KLRG1: variants seen among roughly 807,000 people sequenced by gnomAD.
The protein encoded by KLRG1 is killer cell lectin like receptor G1, also known as killer cell lectin-like receptor subfamily G member 1.
A neutral mutation model predicts 21.8 loss-of-function variants in KLRG1; 16 were observed. That is an observed-to-expected ratio of 0.73 (90% CI 0.50 to 1.11). KLRG1 has a LOEUF of 1.11. Among genes scored for constraint, KLRG1 ranks in the 50% most tolerant of loss-of-function variants. KLRG1 has a pLI of 0.00. For synonymous variants in KLRG1, 69 were observed against 75.9 expected, an observed-to-expected ratio of 0.91 and a Z score of 0.47; for missense variants, 173 against 218.3, an observed-to-expected ratio of 0.79 and a Z score of 1.31.
chr12:8,981,303 C>G (rs1260145332), intron 1 of KLRG1, among the ~76,000 whole-genome samples: 1 of 152,014 alleles, frequency 6.6e-6, no homozygotes, highest in African/African-American at 2.4e-5. Flanking sequence ...CTTCTACTTA[C>G]ATTGGTTTTA....
chr12:8,999,905 C>T (rs1947254785), intron 3 of KLRG1, among the ~76,000 whole-genome samples: 1 of 152,004 alleles, frequency 6.6e-6, no homozygotes, highest in South Asian at 2.1e-4. Flanking sequence ...TGTGGTGGCA[C>T]GTTTCTGTAA....
At chr12:9,013,120 TAA>T (rs1460099109), downstream of KLRG1, among the ~76,000 whole-genome samples, 7 of 152,212 alleles carry the variant, frequency 4.6e-5, no homozygotes. Flanking sequence ...GGTACTTCTA[TAA>T]GTCTGCAAGA....
At chr12:9,039,767 A>C in the KLRG1 span, among the ~76,000 whole-genome samples, 1 of 152,188 alleles carries the variant, frequency 6.6e-6, no homozygotes, top group Non-Finnish European at 1.5e-5. Flanking sequence ...TTTTCTCACT[A>C]CCTTGATTCT....
intron 1 of KLRG1, among the ~76,000 whole-genome samples, chr12:8,951,533 G>A (rs1946205182): frequency 6.6e-6 from 1 of 152,136 alleles, no homozygotes; most frequent in South Asian, 2.1e-4. Flanking sequence ...CTTTTTAATA[G>A]CATAATATTT....
At chr12:9,046,294 G>C in the KLRG1 span, among the ~76,000 whole-genome samples, 2 of 152,156 alleles carry the variant, frequency 1.3e-5, no homozygotes, top group Admixed American at 1.3e-4. Flanking sequence ...ACACATAATG[G>C]GAATAGCAGA....
chr12:9,151,860 A>G, the KLRG1 span, among the ~76,000 whole-genome samples: 3 of 152,216 alleles, frequency 2.0e-5, no homozygotes, highest in Non-Finnish European at 2.9e-5. Context: ...GGCATCTTTG[A>G]TAATTTTAGT....
the KLRG1 span, chr12:9,069,006 A>C: frequency 1.9e-6 from 1 of 517,234 alleles, no homozygotes; most frequent in Admixed American, 3.5e-5. Flanking sequence ...GGGATGATAA[A>C]TTCTCCAGAT....
chr12:9,090,289 A>G, the KLRG1 span: 109 of 1,608,276 alleles, frequency 6.8e-5, 3 homozygotes, highest in South Asian at 9.5e-4. Context: ...GTAGCACTCA[A>G]TATAAGGTTC....
intron 1 of KLRG1, among the ~76,000 whole-genome samples, chr12:8,971,423 A>G (rs1946565108): frequency 6.6e-6 from 1 of 152,144 alleles, no homozygotes; most frequent in Admixed American, 6.6e-5. Context: ...AATCTTTAGC[A>G]ATATAGCCTC....
chr12:9,086,334 C>T, the KLRG1 span, among the ~76,000 whole-genome samples: 1 of 152,120 alleles, frequency 6.6e-6, no homozygotes, highest in African/African-American at 2.4e-5. Flanking sequence ...TCAAGTCCAG[C>T]CTGGGGAACA....
intron 3 of KLRG1, among the ~76,000 whole-genome samples, chr12:9,002,186 G>A (rs752477286): frequency 1.2e-3 from 179 of 152,178 alleles, no homozygotes; most frequent in African/African-American, 3.5e-3. Flanking sequence ...CAAAAGATAA[G>A]ATTTTATAGT....
chr12:9,097,371 T>C, the KLRG1 span, among the ~76,000 whole-genome samples: 1 of 152,184 alleles, frequency 6.6e-6, no homozygotes, highest in East Asian at 1.9e-4. Flanking sequence ...TAAGAGGTTA[T>C]TACAATTGGT....
the KLRG1 span, among the ~76,000 whole-genome samples, chr12:9,140,626 A>G: frequency 3.3e-5 from 5 of 152,206 alleles, no homozygotes; most frequent in African/African-American, 1.2e-4. Context: ...TGTTCCATAG[A>G]AGGAATCTGA....
the KLRG1 span, among the ~76,000 whole-genome samples, chr12:9,200,176 C>T: frequency 6.6e-6 from 1 of 152,042 alleles, no homozygotes; most frequent in Non-Finnish European, 1.5e-5. Context: ...ATTGTTAAAT[C>T]ATAATTAAGT....
the KLRG1 span, among the ~76,000 whole-genome samples, chr12:9,141,414 G>T: frequency 1.3e-5 from 2 of 152,156 alleles, no homozygotes. Context: ...TGACCATAAG[G>T]TAAGATTTCT....
the KLRG1 span, chr12:9,069,827 A>C: frequency 3.7e-6 from 6 of 1,612,462 alleles, no homozygotes; most frequent in Non-Finnish European, 4.2e-6. Context: ...AAGAAAATTG[A>C]AATACCACAA....
chr12:9,182,061 G>A, the KLRG1 span: 20 of 1,613,774 alleles, frequency 1.2e-5, no homozygotes, highest in Middle Eastern at 1.7e-4. Flanking sequence ...ATGAACATTC[G>A]TGCAATGGGG....
At chr12:9,111,640 G>C in the KLRG1 span, 4 of 414,180 alleles carry the variant, frequency 9.7e-6, no homozygotes, top group Admixed American at 9.3e-5. Flanking sequence ...GCCTCTTTTT[G>C]AGATAAGAAA....
the KLRG1 span, among the ~76,000 whole-genome samples, chr12:9,145,284 T>G: frequency 2.0e-5 from 3 of 152,148 alleles, no homozygotes; most frequent in East Asian, 3.8e-4. Flanking sequence ...TGTTTTATTG[T>G]TTTTTTGTGT....
Sources: allele counts gnomAD v4.1 joint callset (sites outside exome capture counted in the v4.1 genomes callset), GRCh38; gene constraint gnomAD v4.1.1; transcripts MANE v1.5; gene names NCBI Gene and HGNC (gene_info 2026-07-23, HGNC 2026-07-21).